DPP6: variants seen among roughly 807,000 people sequenced by gnomAD.
DPP6 encodes dipeptidyl peptidase like 6.
In DPP6, 69 loss-of-function variants were observed where a neutral mutation model predicts 122.6. The ratio of observed to expected loss-of-function variants is 0.56; its 90% CI spans 0.46 to 0.69. DPP6 has a LOEUF of 0.69. Ranked by LOEUF, DPP6 falls within the 30% of genes least tolerant of loss-of-function variation. DPP6 has a pLI of 0.00. For missense variants in DPP6, 928 were observed against 1,116.9 expected, an observed-to-expected ratio of 0.83 and a Z score of 2.41; for synonymous variants, 418 against 433.1, an observed-to-expected ratio of 0.97 and a Z score of 0.43.
chr7:154,061,799 G>A (rs549655102), intron 1 of DPP6, among the ~76,000 whole-genome samples: 2,910 of 123,500 alleles, frequency 0.024, 56 homozygotes, highest in Admixed American at 0.065. Flanking sequence ...CCCTCGCGAC[G>A]CGGGGACTGA....
At chr7:154,508,919 TAGAC>T (rs1340212914) in intron 3 of DPP6, among the ~76,000 whole-genome samples, 33 of 152,278 alleles carry the variant, frequency 2.2e-4, no homozygotes, top group African/African-American at 7.7e-4. Context: ...TCTGGACAAT[TAGAC>T]AGCCATGTGC....
intron 2 of DPP6, among the ~76,000 whole-genome samples, chr7:154,453,506 A>G (rs1820567752): frequency 6.6e-6 from 1 of 150,434 alleles, no homozygotes; most frequent in Admixed American, 6.6e-5. Context: ...GAAGAAGGAT[A>G]TACATATAGG....
intron 1 of DPP6, among the ~76,000 whole-genome samples, chr7:153,935,092 C>T (rs1342209059): frequency 1.3e-5 from 2 of 152,190 alleles, no homozygotes; most frequent in Non-Finnish European, 2.9e-5. Flanking sequence ...TGTGCCCATC[C>T]CAGTGGGTGC....
At chr7:154,575,551 GTGTT>G (rs1215553026) in intron 5 of DPP6, among the ~76,000 whole-genome samples, 4 of 133,308 alleles carry the variant, frequency 3.0e-5, no homozygotes, top group African/African-American at 1.2e-4. Context: ...TGTGTGTGGT[GTGTT>G]TATTTGTGTG....
At chr7:153,791,499 A>G in the DPP6 span, among the ~76,000 whole-genome samples, 2 of 129,248 alleles carry the variant, frequency 1.5e-5, no homozygotes, top group Non-Finnish European at 3.1e-5. Context: ...GCTCACTGCA[A>G]CCTCTGCCTC....
chr7:154,803,822 G>C, intron 13 of DPP6, 42 bp from the exon 14 acceptor site: 1 of 1,597,666 alleles, frequency 6.3e-7, no homozygotes. Flanking sequence ...CTGGGGCCGG[G>C]ACACCGGTGT....
intron 1 of DPP6, among the ~76,000 whole-genome samples, chr7:154,237,346 G>T (rs927606623): frequency 6.6e-6 from 1 of 152,202 alleles, no homozygotes; most frequent in East Asian, 1.9e-4. Context: ...ACTTTTAACA[G>T]TTTTAGGGGG....
chr7:154,357,348 G>A (rs1259281568), intron 1 of DPP6, among the ~76,000 whole-genome samples: 1 of 148,826 alleles, frequency 6.7e-6, no homozygotes, highest in African/African-American at 2.5e-5. Flanking sequence ...TTAAATTACA[G>A]CACTTTGCTG....
intron 1 of DPP6, among the ~76,000 whole-genome samples, chr7:154,377,967 T>C (rs537987242): frequency 5.5e-4 from 84 of 152,346 alleles, no homozygotes; most frequent in Middle Eastern, 3.4e-3. Flanking sequence ...AAGGGGAGCC[T>C]TGTCTTCATC....
rs1491477801 is a variant in DPP6 at position 154,680,687 on chromosome 7, T to TA, written c.762+11246_762+11247insA. On this transcript the variant is annotated intron_variant, in intron 7 of 25. Transcript: ENST00000377770. ...TGGTTAAAGCAACATTATATATATA[T>TA]TTTTTTTAAAAAAAAATTAAAAAGA... is the stretch of plus-strand genomic sequence containing the variant. Among the ~76,000 whole-genome samples, 22 of 20,450 alleles carry TA rather than the reference T, an allele frequency of 1.1e-3. No individual in the cohort carries two copies. In the Admixed American group the frequency reaches 0.012, roughly 11 times the overall value. The allele number at this position is 20,450 out of a possible 152,430, so 13.4% of individuals were successfully genotyped here.
intron 16 of DPP6, among the ~76,000 whole-genome samples, chr7:154,845,401 G>A (rs1298842997): frequency 6.6e-6 from 1 of 152,184 alleles, no homozygotes; most frequent in East Asian, 1.9e-4. Context: ...CTGCAGCAAC[G>A]TGGTAAGAAA....
At chr7:154,038,466 A>G (rs1429336438) in intron 1 of DPP6, 1 of 19,188 alleles carries the variant, frequency 5.2e-5, no homozygotes, top group Non-Finnish European at 1.1e-4. Flanking sequence ...TTTGAAAGGC[A>G]CTGTTGTTAA....
chr7:154,257,356 A>G (rs1340305510), intron 1 of DPP6, among the ~76,000 whole-genome samples: 2 of 151,892 alleles, frequency 1.3e-5, no homozygotes, highest in African/African-American at 4.8e-5. Flanking sequence ...CCCTCTGGGG[A>G]TGTGGATTCC....
intron 5 of DPP6, among the ~76,000 whole-genome samples, chr7:154,575,434 TGTGTGTG>T (rs1831553569): frequency 8.9e-6 from 1 of 112,404 alleles, no homozygotes; most frequent in Non-Finnish European, 1.8e-5. Flanking sequence ...GTGGTGTGTA[TGTGTGTG>T]GTGTGTGTAT....
intron 1 of DPP6, among the ~76,000 whole-genome samples, chr7:154,182,416 G>C (rs1028271163): frequency 6.6e-6 from 1 of 152,148 alleles, no homozygotes; most frequent in Non-Finnish European, 1.5e-5. Flanking sequence ...CATGCCAGAG[G>C]AAAGAGAGCT....
chr7:154,367,373 C>A (rs562464820), intron 1 of DPP6, among the ~76,000 whole-genome samples: 1 of 152,278 alleles, frequency 6.6e-6, no homozygotes, highest in Non-Finnish European at 1.5e-5. Context: ...TACAGTTTAC[C>A]AAATTTGAAC....
intron 1 of DPP6, among the ~76,000 whole-genome samples, chr7:154,045,469 C>T (rs1366518336): frequency 6.6e-6 from 1 of 152,250 alleles, no homozygotes; most frequent in Non-Finnish European, 1.5e-5. Flanking sequence ...TGCCCGGCCC[C>T]AGCCCTGAGT....
intron 3 of DPP6, among the ~76,000 whole-genome samples, chr7:154,485,946 C>T (rs949579074): frequency 6.9e-6 from 1 of 145,020 alleles, no homozygotes; most frequent in Non-Finnish European, 1.5e-5. Flanking sequence ...CTCCCCCCTC[C>T]CCCCACCCCA....
At chr7:154,297,407 C>T (rs1805613622) in intron 1 of DPP6, among the ~76,000 whole-genome samples, 1 of 152,092 alleles carries the variant, frequency 6.6e-6, no homozygotes, top group Non-Finnish European at 1.5e-5. Context: ...GCCCATGAGC[C>T]CTGGTTTTCC....
Sources: gnomAD v4.1 joint callset for allele counts (sites outside exome capture counted in the v4.1 genomes callset) on GRCh38, gnomAD v4.1.1 for gene constraint, MANE v1.5 for transcripts, NCBI Gene and HGNC (gene_info 2026-07-23, HGNC 2026-07-21) for gene names.